SLIT3: variants seen among roughly 807,000 people sequenced by gnomAD.
SLIT3 encodes slit homolog 3 protein.
Under a neutral mutation model 184.0 loss-of-function variants are expected in SLIT3, and 68 were observed. The ratio of observed to expected loss-of-function variants is 0.37; its 90% CI spans 0.30 to 0.45. The LOEUF is 0.45. SLIT3 is among the 20% of genes least tolerant of loss of function. The pLI, the probability that SLIT3 is intolerant of heterozygous loss-of-function variation, is 1.00. For missense variants in SLIT3, 1,707 were observed against 2,026.0 expected, an observed-to-expected ratio of 0.84 and a Z score of 3.02; for synonymous variants, 831 against 828.6, an observed-to-expected ratio of 1.00 and a Z score of -0.05.
chr5:169,194,042 G>C (rs1032872848), intron 3 of SLIT3, among the ~76,000 whole-genome samples: 4 of 151,974 alleles, frequency 2.6e-5, no homozygotes, highest in Admixed American at 6.6e-5. Context: ...GACCATCATT[G>C]GGCAACATGG....
chr5:169,119,982 C>T (rs920614114), intron 4 of SLIT3: 5 of 152,200 alleles, frequency 3.3e-5, no homozygotes, highest in African/African-American at 1.2e-4. Context: ...CCCTTTTCAT[C>T]ATAAAGCTCT....
At chr5:168,883,176 C>T (rs959270457) in intron 5 of SLIT3, 89 bp downstream of exon 5, 1 of 1,027,744 alleles carries the variant, frequency 9.7e-7, no homozygotes, top group East Asian at 2.4e-5. Flanking sequence ...GGCACCTGGA[C>T]CACCCTCTTG....
At chr5:168,932,877 T>C (rs1762038304) in intron 4 of SLIT3, among the ~76,000 whole-genome samples, 3 of 152,196 alleles carry the variant, frequency 2.0e-5, no homozygotes, top group Non-Finnish European at 4.4e-5. Flanking sequence ...ATGCATAACC[T>C]TGTGTGGTAG....
intron 4 of SLIT3, among the ~76,000 whole-genome samples, chr5:169,017,465 G>A (rs1756429992): frequency 6.6e-6 from 1 of 152,218 alleles, no homozygotes; most frequent in African/African-American, 2.4e-5. Context: ...AATGCTAGCT[G>A]CTCTCACCAA....
chr5:168,907,920 C>A (rs374228176), intron 4 of SLIT3, among the ~76,000 whole-genome samples: 17 of 75,880 alleles, frequency 2.2e-4, no homozygotes, highest in South Asian at 5.6e-4. Flanking sequence ...CTATCTATAT[C>A]TATTTTATAT....
chr5:169,038,950 T>C (rs1359269300), intron 4 of SLIT3, among the ~76,000 whole-genome samples: 1 of 152,144 alleles, frequency 6.6e-6, no homozygotes, highest in Non-Finnish European at 1.5e-5. Flanking sequence ...CTAGGAAAAG[T>C]TTACTCCCTC....
chr5:168,814,463 A>G (rs935853019), intron 8 of SLIT3, among the ~76,000 whole-genome samples: 1 of 152,146 alleles, frequency 6.6e-6, no homozygotes, highest in Non-Finnish European at 1.5e-5. Flanking sequence ...ACAAAACAGT[A>G]TCCTTCAGAT....
chr5:169,247,990 G>T (rs1765654689), intron 2 of SLIT3, among the ~76,000 whole-genome samples: 1 of 152,150 alleles, frequency 6.6e-6, no homozygotes, highest in African/African-American at 2.4e-5. Flanking sequence ...AGAGTCACCG[G>T]CAGGAGATCA....
chr5:169,241,768 G>A (rs1366424644), intron 3 of SLIT3, among the ~76,000 whole-genome samples: 2 of 152,186 alleles, frequency 1.3e-5, no homozygotes, highest in Non-Finnish European at 2.9e-5. Context: ...CATAAGTGGT[G>A]TGATAGGAAG....
chr5:168,871,028 C>T (rs976484114), intron 5 of SLIT3, among the ~76,000 whole-genome samples: 1 of 152,188 alleles, frequency 6.6e-6, no homozygotes, highest in Admixed American at 6.5e-5. Flanking sequence ...TCTTAGAATG[C>T]TGGAGGTCAG....
chr5:168,701,477 C>A (rs565987481), intron 26 of SLIT3, among the ~76,000 whole-genome samples: 2 of 152,230 alleles, frequency 1.3e-5, no homozygotes, highest in East Asian at 1.9e-4. Context: ...CTGAAGGGGA[C>A]GTGTGAGCTG....
At chr5:169,272,126 C>T (rs901277338) in intron 1 of SLIT3, among the ~76,000 whole-genome samples, 1 of 152,240 alleles carries the variant, frequency 6.6e-6, no homozygotes, top group African/African-American at 2.4e-5. Flanking sequence ...CGTCCCTTCT[C>T]TCCATCCCTC....
intron 4 of SLIT3, among the ~76,000 whole-genome samples, chr5:169,129,098 C>T (rs951439569): frequency 2.6e-5 from 4 of 152,146 alleles, no homozygotes; most frequent in Non-Finnish European, 4.4e-5. Context: ...TCGAAACCTA[C>T]AATTTGCCAT....
At chr5:169,195,407 G>A (rs1763709029) in intron 3 of SLIT3, among the ~76,000 whole-genome samples, 3 of 152,214 alleles carry the variant, frequency 2.0e-5, no homozygotes, top group African/African-American at 4.8e-5. Context: ...CATGCAGCGA[G>A]TGGGTAAGCA....
chr5:168,855,164 G>C (rs1392288778), intron 5 of SLIT3, among the ~76,000 whole-genome samples: 1 of 152,148 alleles, frequency 6.6e-6, no homozygotes, highest in African/African-American at 2.4e-5. Context: ...AGGATCACAT[G>C]AGATTCCACT....
chr5:168,709,628 T>A (rs1762484763), intron 25 of SLIT3, among the ~76,000 whole-genome samples: 1 of 152,168 alleles, frequency 6.6e-6, no homozygotes, highest in African/African-American at 2.4e-5. Context: ...TTTAAGCCAA[T>A]GGAATGTTTT....
intron 5 of SLIT3, among the ~76,000 whole-genome samples, chr5:168,862,864 G>A (rs764007833): frequency 5.3e-5 from 8 of 152,038 alleles, no homozygotes; most frequent in African/African-American, 7.2e-5. Flanking sequence ...TAGTAGAGAC[G>A]GGATTTCACC....
At chr5:169,101,611 A>C (rs897860896) in intron 4 of SLIT3, among the ~76,000 whole-genome samples, 1 of 152,228 alleles carries the variant, frequency 6.6e-6, no homozygotes, top group Non-Finnish European at 1.5e-5. Context: ...AACTTCCACA[A>C]ATGGAAATAT....
chr5:168,747,222 GTC>G (rs1051595433), intron 20 of SLIT3, among the ~76,000 whole-genome samples: 2 of 152,166 alleles, frequency 1.3e-5, no homozygotes, highest in Non-Finnish European at 2.9e-5. Flanking sequence ...AGAGCTTCAT[GTC>G]TCTGTCACAC....
Sources: allele counts gnomAD v4.1 joint callset (sites outside exome capture counted in the v4.1 genomes callset), GRCh38; gene constraint gnomAD v4.1.1; transcripts MANE v1.5; gene names NCBI Gene and HGNC (gene_info 2026-07-23, HGNC 2026-07-21).